PATJ: variants seen among roughly 807,000 people sequenced by gnomAD.
The protein encoded by PATJ is PATJ crumbs cell polarity complex component.
A neutral mutation model predicts 224.9 loss-of-function variants in PATJ; 190 were observed. The observed-to-expected ratio is 0.84, with a 90% confidence interval of 0.75 to 0.95. PATJ has a LOEUF of 0.95. Ranked by LOEUF, PATJ falls within the 40% of genes least tolerant of loss-of-function variation. PATJ has a pLI of 0.00. For missense variants in PATJ, 2,121 were observed against 2,270.3 expected (o/e 0.93, Z 1.34); for synonymous variants, 769 against 820.3 (o/e 0.94, Z 1.07).
Position 62,051,073 on chromosome 1 carries a change from T to C in PATJ, c.4125+15T>C. 1 of 1,575,536 alleles carries C rather than the reference T, an allele frequency of 6.3e-7. No individual in the cohort carries two copies. The highest frequency in any genetic ancestry group is 8.7e-7 in the Non-Finnish European group (1 of 1,145,874). ...GCTTCAAACTGGTGAGAATCTTGAG[T>C]ATTTTTCATCCTGTATTCTGTTTAG... On this transcript the variant is annotated intron_variant, in intron 31 of 43. Coordinates refer to ENST00000642238, the MANE Select transcript of PATJ (RefSeq NM_001350145.3).
At chr1:62,035,797 G>A (rs983427806) in intron 29 of PATJ, among the ~76,000 whole-genome samples, 2 of 152,132 alleles carry the variant, frequency 1.3e-5, no homozygotes, top group South Asian at 4.2e-4. Flanking sequence ...TATGAAAGGA[G>A]CAGACCTATA....
At chr1:61,784,179 G>A (rs1440191536) in intron 7 of PATJ, among the ~76,000 whole-genome samples, 2 of 152,012 alleles carry the variant, frequency 1.3e-5, no homozygotes, top group African/African-American at 4.8e-5. Context: ...AGAATCTATG[G>A]ATTAATAAAA....
intron 34 of PATJ, 71 bp from the exon 35 acceptor site, chr1:62,113,982 G>C: frequency 6.9e-7 from 1 of 1,442,154 alleles, no homozygotes; most frequent in East Asian, 2.3e-5. Flanking sequence ...TTAGATCAAG[G>C]AGATTCAGCA....
chr1:61,763,649 T>C (rs941919619), intron 3 of PATJ, among the ~76,000 whole-genome samples: 5 of 152,222 alleles, frequency 3.3e-5, no homozygotes, highest in African/African-American at 1.2e-4. Context: ...AAAATAGTGC[T>C]TAACTTAAAT....
rs576850025 is a variant in PATJ at position 61,869,348 on chromosome 1, C to T, written c.2835+4715C>T. 2.7e-4 allele frequency among the ~76,000 whole-genome samples: 41 copies of T among 152,022 alleles called. 1 individual carries two copies. In the South Asian group the frequency reaches 5.6e-3, roughly 21 times the overall value. On this transcript the variant is annotated intron_variant, in intron 20 of 43. Coordinates refer to ENST00000642238, the MANE Select transcript of PATJ (RefSeq NM_001350145.3). ...GTCTCGATCTCCTGACCTCGTGATC[C>T]GCCCGCCTCGGCCTCCCAAAGTTAA...
intron 27 of PATJ, among the ~76,000 whole-genome samples, chr1:61,963,521 A>G (rs1194591209): frequency 6.6e-6 from 1 of 152,064 alleles, no homozygotes; most frequent in Admixed American, 6.6e-5. Context: ...ACTAGAACCC[A>G]GGAGGCAGAG....
intron 1 of PATJ, among the ~76,000 whole-genome samples, chr1:61,757,334 A>T (rs2148244265): frequency 6.6e-6 from 1 of 151,762 alleles, no homozygotes; most frequent in South Asian, 2.1e-4. Flanking sequence ...GGCTTCCTAA[A>T]ATGCTGAGAT....
intron 31 of PATJ, among the ~76,000 whole-genome samples, chr1:62,052,257 G>A (rs1056364116): frequency 6.6e-5 from 10 of 152,016 alleles, no homozygotes; most frequent in Non-Finnish European, 1.5e-4. Flanking sequence ...TTCAGGTTTT[G>A]GAAAATATAT....
chr1:62,088,003 T>G, intron 33 of PATJ, among the ~76,000 whole-genome samples: 1 of 146,434 alleles, frequency 6.8e-6, no homozygotes, highest in Non-Finnish European at 1.5e-5. Flanking sequence ...GCGATTCTCC[T>G]GCCTCAGCCT....
rs551974372 is a variant in PATJ at position 62,066,721 on chromosome 1, G to A, written c.4126-12729G>A. 9.9e-4 allele frequency among the ~76,000 whole-genome samples: 151 copies of A among 152,270 alleles called. 1 individual carries two copies. Among genetic ancestry groups the A allele is most frequent in the Non-Finnish European group, 1.0e-3 (71 of 68,014 alleles). ...GCAGTAAAGAAAGAGTTTAATTGACGCAAGACCAGCCCATGCACAGGAGAA... is the reference window on the plus strand; with the variant it reads ...GCAGTAAAGAAAGAGTTTAATTGACACAAGACCAGCCCATGCACAGGAGAA... On this transcript the variant is annotated intron_variant, in intron 31 of 43. Transcript: ENST00000642238.
At chr1:61,888,356 A>C (rs1669166487) in intron 22 of PATJ, among the ~76,000 whole-genome samples, 1 of 152,128 alleles carries the variant, frequency 6.6e-6, no homozygotes, top group African/African-American at 2.4e-5. Context: ...AGCTCACTGC[A>C]ACCTCCGCTT....
chr1:61,797,487 A>G (rs1651590807), intron 11 of PATJ, 59 bp downstream of exon 11: 8 of 1,447,032 alleles, frequency 5.5e-6, no homozygotes, highest in Non-Finnish European at 6.7e-6. Context: ...GAGCAGTTCA[A>G]TTATGGAAGT....
At chr1:62,041,395 T>C (rs1301341924) in intron 30 of PATJ, among the ~76,000 whole-genome samples, 1 of 152,048 alleles carries the variant, frequency 6.6e-6, no homozygotes, top group African/African-American at 2.4e-5. Flanking sequence ...AGCTGCTAGG[T>C]AGGGAGTGGG....
chr1:61,812,425 A>T (rs1424785320), intron 14 of PATJ, among the ~76,000 whole-genome samples: 13 of 113,588 alleles, frequency 1.1e-4, no homozygotes, highest in Middle Eastern at 4.2e-3. Flanking sequence ...AGAGAGAGAG[A>T]GAGAGAGAGT....
chr1:61,899,764 A>C, intron 23 of PATJ, 110 bp downstream of exon 23: 1 of 663,332 alleles, frequency 1.5e-6, no homozygotes, highest in Admixed American at 2.9e-5. Flanking sequence ...GAGAATTGCG[A>C]TAATTCACCT....
Position 61,791,357 on chromosome 1 carries a change from CT to C in PATJ, c.1083del (p.Phe361LeufsTer9). ...TGTTTTTTCCTTTTAGGACAGTTCT[CT>C]TTTTGAAACTTATAATGTTGAGCTT... ...ASKGPGSDSS[L>X]FETYNVELVR... On this transcript the variant is annotated frameshift_variant, in exon 9 of 44. Transcript: ENST00000642238. LOFTEE classifies it high-confidence loss of function. 6.2e-7 allele frequency: 1 copy of C among 1,605,978 alleles called. No homozygotes were observed. The highest frequency in any genetic ancestry group is 8.5e-7 in the Non-Finnish European group (1 of 1,173,434).
At chr1:61,938,964 CA>C (rs1016046910) in intron 27 of PATJ, among the ~76,000 whole-genome samples, 2 of 148,652 alleles carry the variant, frequency 1.3e-5, no homozygotes, top group African/African-American at 2.5e-5. Flanking sequence ...ACTAAATATA[CA>C]AAAAAAAATT....
intron 28 of PATJ, chr1:61,991,455 T>C: frequency 1.0e-6 from 1 of 978,660 alleles, no homozygotes; most frequent in Non-Finnish European, 1.2e-6. Context: ...GGCTTACTGA[T>C]TTTGCATTTT....
intron 27 of PATJ, among the ~76,000 whole-genome samples, chr1:61,954,614 C>T (rs1680169051): frequency 1.3e-5 from 2 of 152,106 alleles, no homozygotes; most frequent in South Asian, 4.1e-4. Context: ...CAGAGACTGC[C>T]TCTTTTTTGC....
Sources: gnomAD v4.1 joint callset for allele counts (sites outside exome capture counted in the v4.1 genomes callset) on GRCh38, gnomAD v4.1.1 for gene constraint, MANE v1.5 for transcripts, NCBI Gene and HGNC (gene_info 2026-07-23, HGNC 2026-07-21) for gene names.